Variants in AEBP1 observed in about 807,000 individuals in gnomAD.
AEBP1 encodes AE binding protein 1.
A neutral mutation model predicts 116.5 loss-of-function variants in AEBP1; 69 were observed. The ratio of observed to expected loss-of-function variants is 0.59; its 90% CI spans 0.49 to 0.72. The LOEUF is 0.72. Among genes scored for constraint, AEBP1 ranks in the 30% least tolerant of loss-of-function variants. The pLI is 0.00. For missense variants in AEBP1, 1,444 were observed against 1,557.5 expected (o/e 0.93, Z 1.23); for synonymous variants, 627 against 627.3 (o/e 1.00, Z 0.01).
chr7:44,112,520 A>AG lies in AEBP1; in HGVS notation c.2218-37dup, dbSNP rs11377645. On this transcript the variant is annotated intron_variant, in intron 17 of 20. Transcript: ENST00000223357. The surrounding 1 kb of genome is among the most constrained non-coding windows in gnomAD (Gnocchi z 6.6). ...GGGCTAGGTTGGGGATAGTGGCCGG[A>AG]GCTGCAGCCCTGGCCTCACACGTGC... 1 allele frequency: 1,523,710 copies of AG among 1,523,778 alleles called. 761,821 individuals are homozygous for AG. Among genetic ancestry groups the AG allele is most frequent in the Middle Eastern group, 1 (5,306 of 5,306 alleles). 94.4% of individuals were successfully genotyped at this position (1,523,778 alleles called of 1,614,324 possible).
At chr7:44,109,617 G>C (rs1330407195) in intron 9 of AEBP1, 1 of 585,346 alleles carries the variant, frequency 1.7e-6, no homozygotes, top group Admixed American at 3.2e-5. Context: ...GCCTTGGTGG[G>C]GAGTGAGGAC....
Position 44,110,822 on chromosome 7 carries a change from C to T in AEBP1, c.1485+13C>T. On this transcript the variant is annotated intron_variant, in intron 12 of 20. Coordinates refer to ENST00000223357, the MANE Select transcript of AEBP1 (RefSeq NM_001129.5). ...CTATGAGGAAATGGTGGGCACCATG[C>T]CCAGGCTCTTGGCTCTGCTCCCATT... 1 of 1,586,184 alleles carries T rather than the reference C, an allele frequency of 6.3e-7. No homozygotes were observed. The highest frequency in any genetic ancestry group is 8.6e-7 in the Non-Finnish European group (1 of 1,163,834).
Position 44,106,851 on chromosome 7 carries a change from C to G in AEBP1, c.559C>G (p.Pro187Ala). The change falls in exon 2 of 21, where the codon CCC (proline) becomes GCC (alanine). Residue 187 changes from proline (P) to alanine (A), a missense_variant. Physicochemically the swap from Pro to Ala is conservative, Grantham distance 27. Coordinates refer to ENST00000223357, the MANE Select transcript of AEBP1 (RefSeq NM_001129.5). ...ETLEWPLPPP[P>A]SPGPEELPQE... Reference sequence around the variant, plus strand: ...CCTGGAGTGGCCACTGCCCCCACCCCCCAGCCCTGGCCCCGAGGAGCTACC... The same window carrying G: ...CCTGGAGTGGCCACTGCCCCCACCCGCCAGCCCTGGCCCCGAGGAGCTACC... The G allele has an allele frequency of 6.2e-7, 1 of 1,600,228 alleles. No individual in the cohort carries two copies. Among genetic ancestry groups the G allele is most frequent in the Non-Finnish European group, 8.5e-7 (1 of 1,174,696 alleles).
Position 44,114,234 on chromosome 7 carries a change from C to T in AEBP1, c.3450C>T (p.Thr1150=), listed in dbSNP as rs1395044374. 6.2e-7 allele frequency: 1 copy of T among 1,613,986 alleles called. No individual in the cohort carries two copies. The highest frequency in any genetic ancestry group is 1.3e-5 in the African/African-American group (1 of 74,936). Residue 1150 remains threonine, a synonymous_variant, in exon 21 of 21, where the codon ACC becomes ACT. Transcript: ENST00000223357. The part of the protein sequence containing the change: ...GQAFPFTTVE[T]YTVNFGDF ...CATTCCCCTTCACAACAGTAGAGAC[C>T]TACACAGTGAACTTTGGGGACTTCT...
In AEBP1 at chr7:44,107,980, C is replaced by G. The variant is rs1245708683; in HGVS notation, c.863-27C>G. The G allele has an allele frequency of 1.3e-5, 21 of 1,571,668 alleles. No homozygotes were observed. The African/African-American group carries it at 2.7e-4, about 20-fold the overall frequency. ...GGTGCCATGGCCACGGCGCTCTGGCCCCCTCCTAACCTCCCCGCCTCCCCA... is the reference window on the plus strand; with the variant it reads ...GGTGCCATGGCCACGGCGCTCTGGCGCCCTCCTAACCTCCCCGCCTCCCCA... On this transcript the variant is annotated intron_variant, in intron 5 of 20. Coordinates refer to ENST00000223357, the MANE Select transcript of AEBP1 (RefSeq NM_001129.5). This position sits in a 1 kb window ranked among gnomAD's most constrained non-coding sequence, Gnocchi z 4.3.
At chr7:44,109,240 A>G (rs1241281901) in intron 8 of AEBP1, 48 bp from the exon 9 acceptor site, 2 of 1,612,016 alleles carry the variant, frequency 1.2e-6, no homozygotes, top group East Asian at 4.5e-5. Context: ...TGGACTCCTG[A>G]TTGCCTCCCG....
In AEBP1 at chr7:44,112,160, T is replaced by A. The variant is rs780595666; in HGVS notation, c.2056T>A (p.Trp686Arg). The change falls in exon 17 of 21, where the codon TGG (tryptophan) becomes AGG (arginine). Residue 686 changes from tryptophan to arginine, a missense_variant. Physicochemically the swap from Trp to Arg is moderately radical, Grantham distance 101. Transcript: ENST00000223357. The surrounding 1 kb of genome is among the most constrained non-coding windows in gnomAD (Gnocchi z 6.6). ...CCCACAGGGCTCAGAGTTTGGGAAC[T>A]GGGCGCTGGGACTGTGGACTGAGGA... Reference protein sequence around the residue: ...AAQMGSEFGNWALGLWTEEGF... With the variant: ...AAQMGSEFGNRALGLWTEEGF... 6.3e-7 allele frequency: 1 copy of A among 1,599,328 alleles called. No homozygotes were observed. Among genetic ancestry groups the A allele is most frequent in the South Asian group, 1.1e-5 (1 of 90,130 alleles).
In AEBP1 at chr7:44,109,847, G is replaced by A. The variant is rs576671517; in HGVS notation, c.1151-168G>A. 4.0e-4 allele frequency: 253 copies of A among 634,358 alleles called. 1 individual carries two copies. The highest frequency in any genetic ancestry group is 1.8e-3 in the Middle Eastern group (7 of 3,954). The allele number at this position is 634,358 out of a possible 1,614,324, so 39.3% of individuals were successfully genotyped here. ...ACAGCTCCTGGCCTGGCTTTGAGTCGATTCCAGGTGGGCTGGTGCAGGGCA... is the reference window on the plus strand; with the variant it reads ...ACAGCTCCTGGCCTGGCTTTGAGTCAATTCCAGGTGGGCTGGTGCAGGGCA... On this transcript the variant is annotated intron_variant, in intron 9 of 20. Transcript: ENST00000223357.
rs1199514191 is a variant in AEBP1, at chr7:44,112,360, G to A, written c.2217+39G>A. On this transcript the variant is annotated intron_variant, in intron 17 of 20. Coordinates refer to ENST00000223357, the MANE Select transcript of AEBP1 (RefSeq NM_001129.5). The surrounding 1 kb of genome is among the most constrained non-coding windows in gnomAD (Gnocchi z 6.6). ...CTGGCTGAAAGGGCAGGAGGGAGCA[G>A]CTGGACCCTGGGGTCCTGGTGTTCT... 1 of 1,515,910 alleles carries A rather than the reference G, an allele frequency of 6.6e-7. No homozygotes were observed. Among genetic ancestry groups the A allele is most frequent in the Non-Finnish European group, 8.8e-7 (1 of 1,132,072 alleles). 93.9% of individuals were successfully genotyped at this position (1,515,910 alleles called of 1,614,324 possible).
Position 44,107,110 on chromosome 7 carries a change from G to C in AEBP1, c.595+223G>C, listed in dbSNP as rs1007887981. 6.6e-6 allele frequency among the ~76,000 whole-genome samples: 1 copy of C among 152,242 alleles called. No individual in the cohort carries two copies. The highest frequency in any genetic ancestry group is 2.4e-5 in the African/African-American group (1 of 41,468). On this transcript the variant is annotated intron_variant, in intron 2 of 20. Coordinates refer to ENST00000223357, the MANE Select transcript of AEBP1 (RefSeq NM_001129.5). The surrounding 1 kb of genome is among the most constrained non-coding windows in gnomAD (Gnocchi z 4.3). ...GAGGGCTTGGCAGCCTTTTGGGTGG[G>C]ACCTCTGTCCCTCAGGCCCCTGCCC...
chr7:44,105,913 T>A (rs932123832), intron 1 of AEBP1, among the ~76,000 whole-genome samples: 4 of 152,018 alleles, frequency 2.6e-5, no homozygotes, highest in Non-Finnish European at 5.9e-5. Flanking sequence ...CTGAAATGAG[T>A]GTGCAGCCAC....
In AEBP1 at chr7:44,107,983, C is replaced by G. The variant is rs186392517; in HGVS notation, c.863-24C>G. 6.4e-7 allele frequency: 1 copy of G among 1,572,674 alleles called. No homozygotes were observed. Among genetic ancestry groups the G allele is most frequent in the Non-Finnish European group, 8.6e-7 (1 of 1,160,482 alleles). Reference sequence around the variant, plus strand: ...GCCATGGCCACGGCGCTCTGGCCCCCTCCTAACCTCCCCGCCTCCCCAGAG... The same window carrying G: ...GCCATGGCCACGGCGCTCTGGCCCCGTCCTAACCTCCCCGCCTCCCCAGAG... On this transcript the variant is annotated intron_variant, in intron 5 of 20. Transcript: ENST00000223357. This position sits in a 1 kb window ranked among gnomAD's most constrained non-coding sequence, Gnocchi z 4.3.
In AEBP1 at chr7:44,107,464, G is replaced by C. The variant is rs1354174788; in HGVS notation, c.621G>C (p.Gln207His). 1 of 1,613,420 alleles carries C rather than the reference G, an allele frequency of 6.2e-7. No homozygotes were observed. The change falls in exon 3 of 21, where the codon CAG becomes CAC. Residue 207 changes from glutamine (Q) to histidine (H), a missense_variant. Transcript: ENST00000223357. This position sits in a 1 kb window ranked among gnomAD's most constrained non-coding sequence, Gnocchi z 4.3. ...GGGCGCCCCTCTCAAATAACTGGCA[G>C]AATCCAGGAGAGGAGACCCATGTGG... ...EGGAPLSNNW[Q>H]NPGEETHVEA...
At position 44,112,809 on chromosome 7, in the gene AEBP1, C is replaced by T. The variant is rs1232419894; in HGVS notation, c.2469C>T (p.His823=). The T allele has an allele frequency of 1.9e-6, 3 of 1,612,392 alleles. No homozygotes were observed. Among genetic ancestry groups the T allele is most frequent in the Admixed American group, 1.7e-5 (1 of 60,008 alleles). ...TTGCCATCTCCTTCGCCTCCGCACA[C>T]CTCACCTTGACCGAGCCCTACCGCG... ...RWLAISFASA[H]LTLTEPYRGG... is the part of the protein sequence containing the mutation. Residue 823 remains histidine (H), a synonymous_variant, in exon 18 of 21, where the codon CAC becomes CAT. Coordinates refer to ENST00000223357, the MANE Select transcript of AEBP1 (RefSeq NM_001129.5). The surrounding 1 kb of genome is among the most constrained non-coding windows in gnomAD (Gnocchi z 6.6).
At position 44,111,371 on chromosome 7, in the gene AEBP1, G is replaced by T; in HGVS notation, c.1716+132G>T. ...TGCTGGCTGTCCCTCACCTTAGGAAGGAGGCCAGTACCTGGGGGCTGCGTG... is the reference window on the plus strand; with the variant it reads ...TGCTGGCTGTCCCTCACCTTAGGAATGAGGCCAGTACCTGGGGGCTGCGTG... On this transcript the variant is annotated intron_variant, in intron 14 of 20. Transcript: ENST00000223357. The surrounding 1 kb of genome is among the most constrained non-coding windows in gnomAD (Gnocchi z 4.7). 1 of 1,415,368 alleles carries T rather than the reference G, an allele frequency of 7.1e-7. No homozygotes were observed. The highest frequency in any genetic ancestry group is 1.5e-5 in the South Asian group (1 of 65,642). 87.7% of individuals were successfully genotyped at this position (1,415,368 alleles called of 1,614,324 possible).
rs961202251 is a variant in AEBP1 at position 44,114,178 on chromosome 7, G to C, written c.3394G>C (p.Glu1132Gln). The C allele has an allele frequency of 1.9e-6, 3 of 1,594,588 alleles. No individual in the cohort carries two copies. The highest frequency in any genetic ancestry group is 2.6e-6 in the Non-Finnish European group (3 of 1,163,474). The change falls in exon 21 of 21, where the codon GAG becomes CAG. Residue 1132 changes from glutamate (E) to glutamine (Q), a missense_variant. Glu to Gln is a conservative substitution (Grantham distance 29). Transcript: ENST00000223357. ...EPEFEEEEEE[E>Q]KEEEIATGQA... ...CGAGTTTGAGGAAGAGGAGGAGGAG[G>C]AGAAAGAGGAGGAGATAGCCACTGG... is the stretch of plus-strand genomic sequence containing the variant.
At chr7:44,109,666 G>A in intron 9 of AEBP1, 1 of 570,830 alleles carries the variant, frequency 1.8e-6, no homozygotes, top group Non-Finnish European at 3.1e-6. Context: ...GGGCCATTGT[G>A]CAGACGGTCC....
chr7:44,112,577 C>A lies in AEBP1; in HGVS notation c.2237C>A (p.Ala746Asp). ...PDATVSTEVRAIIAWMEKNPF... is the reference protein window; with the variant it reads ...PDATVSTEVRDIIAWMEKNPF... Reference sequence around the variant, plus strand: ...CTCCAGGTATCCACGGAGGTCCGGGCCATCATTGCCTGGATGGAGAAGAAC... The same window carrying A: ...CTCCAGGTATCCACGGAGGTCCGGGACATCATTGCCTGGATGGAGAAGAAC... The change falls in exon 18 of 21, where the codon GCC (alanine) becomes GAC (aspartate). Residue 746 changes from alanine to aspartate, a missense_variant. Physicochemically the swap from Ala to Asp is moderately radical, Grantham distance 126 (BLOSUM62 -2). Coordinates refer to ENST00000223357, the MANE Select transcript of AEBP1 (RefSeq NM_001129.5). This position sits in a 1 kb window ranked among gnomAD's most constrained non-coding sequence, Gnocchi z 6.6. 1.3e-6 allele frequency: 2 copies of A among 1,594,758 alleles called. No homozygotes were observed. Among genetic ancestry groups the A allele is most frequent in the Admixed American group, 1.7e-5 (1 of 59,104 alleles).
intron 1 of AEBP1, chr7:44,106,051 T>C (rs1562683981): frequency 5.2e-6 from 2 of 384,898 alleles, no homozygotes; most frequent in Non-Finnish European, 1.0e-5. Flanking sequence ...TGGGCTTCAA[T>C]ACTCAACCAA....
Sources: gnomAD v4.1 joint callset for allele counts (sites outside exome capture counted in the v4.1 genomes callset) on GRCh38, gnomAD v4.1.1 for gene constraint, Gnocchi (gnomAD v3.1) non-coding constraint, MANE v1.5 for transcripts, NCBI Gene and HGNC (gene_info 2026-07-23, HGNC 2026-07-21) for gene names.